The following TTN variants were observed in gnomAD, a reference collection of about 807,000 sequenced individuals.
The protein encoded by TTN is titin.
In TTN, 1,525 loss-of-function variants were observed where a neutral mutation model predicts 3,223.0. The observed-to-expected ratio is 0.47, with a 90% CI of 0.45 to 0.49. TTN has a LOEUF of 0.49. Among genes scored for constraint, TTN ranks in the 20% least tolerant of loss-of-function variants. The pLI is 0.00. For synonymous variants in TTN, 14,094 were observed against 15,161.0 expected (o/e 0.93, Z 5.17); for missense variants, 40,786 against 43,424.0 (o/e 0.94, Z 5.40).
chr2:178,651,192 T>A, intron 208 of TTN, 51 bp downstream of exon 208: 1 of 1,463,364 alleles, frequency 6.8e-7, no homozygotes, highest in Admixed American at 1.9e-5. Context: ...ATAGGTGACT[T>A]ATTAGACAAG....
At chr2:178,644,726 T>A (rs558518768) in intron 217 of TTN, 110 bp from the exon 218 acceptor site, 2 of 804,116 alleles carry the variant, frequency 2.5e-6, no homozygotes, top group South Asian at 4.0e-5. Context: ...CCAGAAAGCA[T>A]TAATAACAGC....
rs1391509686 is a variant in TTN, at chr2:178,732,343, AG to A, written c.16625del (p.Pro5542LeufsTer8). The A allele has an allele frequency of 6.3e-7, 1 of 1,598,134 alleles. No individual in the cohort carries two copies. The highest frequency in any genetic ancestry group is 8.5e-7 in the Non-Finnish European group (1 of 1,171,222). On this transcript the variant is annotated frameshift_variant, in exon 57 of 363. Transcript: ENST00000589042. LOFTEE classifies it high-confidence loss of function. ...ECSANLFVKEPATFVEKLEPS... is the reference protein window; with the variant it reads ...ECSANLFVKEXATFVEKLEPS... ...GCTCTAACTTTTCAACAAATGTGGC[AG>A]GTTCTGTGGAAGGAAGGAAGTTATT...
At position 178,580,566 on chromosome 2, in the gene TTN, G is replaced by A. The variant is rs759303222; in HGVS notation, c.66813C>T (p.Leu22271=). The A allele has an allele frequency of 3.7e-6, 6 of 1,612,352 alleles. No homozygotes were observed. The highest frequency in any genetic ancestry group is 5.1e-6 in the Non-Finnish European group (6 of 1,179,164). ...GELDADLRKT[L]ILRAGVTMRL... ...TCATAGTAACTCCAGCACGTAATAT[G>A]AGTGTCTTCCTTAAGTCCGCATCAA... The change falls in exon 317 of 363, where the codon CTC becomes CTT. Residue 22271 remains leucine (L), a synonymous_variant. Coordinates refer to ENST00000589042, the MANE Select transcript of TTN (RefSeq NM_001267550.2).
intron 345 of TTN, 38 bp from the exon 346 acceptor site, chr2:178,544,153 C>G (rs1217940376): frequency 6.2e-7 from 1 of 1,603,440 alleles, no homozygotes; most frequent in South Asian, 1.1e-5. Context: ...AATTCATGGA[C>G]AGGTGTGAGA....
At position 178,554,728 on chromosome 2, in the gene TTN, G is replaced by C. The variant is rs747863143; in HGVS notation, c.88619C>G (p.Pro29540Arg). 5 of 1,613,778 alleles carry C rather than the reference G, an allele frequency of 3.1e-6. No homozygotes were observed. The highest frequency in any genetic ancestry group is 1.1e-5 in the South Asian group (1 of 91,026). The change falls in exon 332 of 363, where the codon CCA (proline) becomes CGA (arginine). Residue 29540 changes from proline to arginine, a missense_variant. Physicochemically the swap from Pro to Arg is moderately radical, Grantham distance 103. Coordinates refer to ENST00000589042, the MANE Select transcript of TTN (RefSeq NM_001267550.2). The part of the protein sequence containing the change: ...ILDKPGPPGG[P>R]IEFKTVTAEK... ...AGCAGTTACAGTCTTAAATTCAATT[G>C]GTCCACCAGGTGGGCCTGGTTTGTC...
Position 178,747,709 on chromosome 2 carries a change from C to G in TTN, c.11311+5415G>C, listed in dbSNP as rs2084069317. On this transcript the variant is annotated intron_variant, in intron 47 of 362. Coordinates refer to ENST00000589042, the MANE Select transcript of TTN (RefSeq NM_001267550.2). ...TTAGGGAGGTCTCAGATTCTGCTGC[C>G]TCAGTGGTATGTGCCTCATCTAATT... The G allele has an allele frequency of 6.2e-7, 1 of 1,612,252 alleles. No individual in the cohort carries two copies. The highest frequency in any genetic ancestry group is 8.5e-7 in the Non-Finnish European group (1 of 1,179,552).
chr2:178,633,222 A>G lies in TTN; in HGVS notation c.43051T>C (p.Trp14351Arg), dbSNP rs794729430. The change falls in exon 233 of 363, where the codon TGG becomes CGG. Residue 14351 changes from tryptophan to arginine, a missense_variant. Trp to Arg is a moderately radical substitution (Grantham distance 101). Transcript: ENST00000589042. ...GTCAAAGGCTGTCCTTTCAGCTTCC[A>G]CTGGCCGTGAACATCAGGTTCAGAA... ...ELSEPDVHGQ[W>R]KLKGQPLTAS... 1 of 1,613,090 alleles carries G rather than the reference A, an allele frequency of 6.2e-7. No individual in the cohort carries two copies. Among genetic ancestry groups the G allele is most frequent in the Admixed American group, 1.7e-5 (1 of 59,966 alleles).
Position 178,566,784 on chromosome 2 carries a change from C to T in TTN, c.79348G>A (p.Gly26450Arg), listed in dbSNP as rs752326213. Reference protein sequence around the residue: ...RITDLRLRVTGLTEDHEYEFR... With the variant: ...RITDLRLRVTRLTEDHEYEFR... Reference sequence around the variant, plus strand: ...TCATACTCATGATCTTCTGTTAATCCTGTCACTCTTAGACGCAAATCTGTA... The same window carrying T: ...TCATACTCATGATCTTCTGTTAATCTTGTCACTCTTAGACGCAAATCTGTA... The change falls in exon 326 of 363, where the codon GGA becomes AGA. Residue 26450 changes from glycine to arginine, a missense_variant. Physicochemically the swap from Gly to Arg is moderately radical, Grantham distance 125 (BLOSUM62 -2). Transcript: ENST00000589042. 4 of 1,613,258 alleles carry T rather than the reference C, an allele frequency of 2.5e-6. No homozygotes were observed. The highest frequency in any genetic ancestry group is 1.3e-5 in the African/African-American group (1 of 74,900).
rs1553622176 is a variant in TTN, at chr2:178,579,581, A to G, written c.67616T>C (p.Val22539Ala). 6.2e-7 allele frequency: 1 copy of G among 1,613,260 alleles called. No homozygotes were observed. Among genetic ancestry groups the G allele is most frequent in the Non-Finnish European group, 8.5e-7 (1 of 1,179,480 alleles). The change falls in exon 319 of 363, where the codon GTT (valine) becomes GCT (alanine). Residue 22539 changes from valine to alanine, a missense_variant. Physicochemically the swap from Val to Ala is moderately conservative, Grantham distance 64. Transcript: ENST00000589042. ...CTTACCAACATCATCCCTTGCCACA[A>G]CAGTGATTTCGCTTGGGGTTCCTTC... ...NGEGTPSEIT[V>A]VARDDVVAPD...
In TTN at chr2:178,712,182, C is replaced by A; in HGVS notation, c.27648G>T (p.Val9216=). The A allele has an allele frequency of 6.2e-7, 1 of 1,613,724 alleles. No individual in the cohort carries two copies. Among genetic ancestry groups the A allele is most frequent in the South Asian group, 1.1e-5 (1 of 91,054 alleles). The part of the protein sequence containing the change: ...YFVKQLEPVK[V]SVGDSASLQC... ...GTAGAGAGGCAGAATCTCCAACAGA[C>A]ACCTTAACCGGCTCCAACTGCTTGA... The change falls in exon 96 of 363, where the codon GTG becomes GTT. Residue 9216 remains valine (V), a synonymous_variant. Coordinates refer to ENST00000589042, the MANE Select transcript of TTN (RefSeq NM_001267550.2).
At chr2:178,545,341 T>A (rs762158351) in intron 344 of TTN, 47 bp downstream of exon 344, 2 of 1,479,428 alleles carry the variant, frequency 1.4e-6, no homozygotes, top group South Asian at 2.9e-5. Context: ...TTATCTGTCA[T>A]ATAGTTTTGA....
rs59989386 is a variant in TTN at position 178,699,383 on chromosome 2, C to CTTTTTTTT, written c.30683-477_30683-470dup. Among the ~76,000 whole-genome samples, 30 of 44,912 alleles carry CTTTTTTTT rather than the reference C, an allele frequency of 6.7e-4. 6 individuals carry two copies. The highest frequency in any genetic ancestry group is 1.2e-3 in the Non-Finnish European group (28 of 22,892). 29.5% of individuals were successfully genotyped at this position (44,912 alleles called of 152,430 possible). A position where few individuals can be genotyped will look rare whatever the true frequency, so the allele number is the denominator to read the frequency against. On this transcript the variant is annotated intron_variant, in intron 111 of 362. Transcript: ENST00000589042. ...TTTGTATTCATGAATAAATAACACT[C>CTTTTTTTT]TTTTTTTTTTTTTTTTTTTTTTTTT...
Position 178,764,809 on chromosome 2 carries a change from G to T in TTN, c.9706C>A (p.Pro3236Thr). 1.2e-6 allele frequency: 2 copies of T among 1,612,906 alleles called. No individual in the cohort carries two copies. The highest frequency in any genetic ancestry group is 2.7e-5 in the African/African-American group (2 of 74,984). ...TCCTGCAGAACTTGGGGCGGTTCAG[G>T]AGCTAGGAGTAAATGTTGACAAATA... is the stretch of plus-strand genomic sequence containing the variant. ...RSSVTLYVNA[P>T]EPPQVLQELQ... The change falls in exon 42 of 363, where the codon CCT becomes ACT. Residue 3236 changes from proline to threonine, a missense_variant and splice_region_variant. Transcript: ENST00000589042.
rs1452090791 is a variant in TTN, at chr2:178,587,401, C to T, written c.63810G>A (p.Val21270=). 3 of 1,609,466 alleles carry T rather than the reference C, an allele frequency of 1.9e-6. No individual in the cohort carries two copies. The highest frequency in any genetic ancestry group is 2.5e-6 in the Non-Finnish European group (3 of 1,177,600). ...NVRVLDTPGP[V]SDLKVSDVTK... The stretch of plus-strand genomic sequence containing the variant: ...TGACATCTGAAACTTTTAAATCAGA[C>T]ACAGGCCCAGGAGTGTCTGTAAAGA... Residue 21270 remains valine (V), a synonymous_variant, in exon 307 of 363, where the codon GTG becomes GTA. Coordinates refer to ENST00000589042, the MANE Select transcript of TTN (RefSeq NM_001267550.2).
In TTN at chr2:178,618,474, G is replaced by T; in HGVS notation, c.46984C>A (p.Arg15662Ser). The T allele has an allele frequency of 6.2e-7, 1 of 1,612,288 alleles. No individual in the cohort carries two copies. The highest frequency in any genetic ancestry group is 8.5e-7 in the Non-Finnish European group (1 of 1,179,026). Residue 15662 changes from arginine (R) to serine (S), a missense_variant, in exon 252 of 363, where the codon CGT (arginine) becomes AGT (serine). Transcript: ENST00000589042. ...LKVIDVPGPVRNLEVTETFDG... is the reference protein window; with the variant it reads ...LKVIDVPGPVSNLEVTETFDG... Reference sequence around the variant, plus strand: ...AATGTTTCTGTCACTTCTAAGTTACGTACTGGCCCAGGAACATCTGAAATT... The same window carrying T: ...AATGTTTCTGTCACTTCTAAGTTACTTACTGGCCCAGGAACATCTGAAATT...
chr2:178,730,909 G>A lies in TTN; in HGVS notation c.17740+16C>T. On this transcript the variant is annotated intron_variant, in intron 60 of 362. Transcript: ENST00000589042. Reference sequence around the variant, plus strand: ...ATGGAAATGCCCAATCCTCTCTGTAGAAGAACAATACCAACCTAATACATT... The same window carrying A: ...ATGGAAATGCCCAATCCTCTCTGTAAAAGAACAATACCAACCTAATACATT... 1 of 1,572,802 alleles carries A rather than the reference G, an allele frequency of 6.4e-7. No individual in the cohort carries two copies. The highest frequency in any genetic ancestry group is 8.6e-7 in the Non-Finnish European group (1 of 1,159,344).
intron 1 of TTN, among the ~76,000 whole-genome samples, chr2:178,805,336 T>G (rs1243098630): frequency 7.9e-6 from 1 of 126,454 alleles, no homozygotes; most frequent in Non-Finnish European, 1.6e-5. Flanking sequence ...AGAATGAGAC[T>G]CTGTCTCAAA....
chr2:178,668,430 A>G (rs2066349900), intron 159 of TTN, among the ~76,000 whole-genome samples: 1 of 152,114 alleles, frequency 6.6e-6, no homozygotes, highest in Admixed American at 6.6e-5. Flanking sequence ...AATTTTTTAG[A>G]TTAAAAAAAA....
rs2154198745 is a variant in TTN, at chr2:178,609,922, T to C, written c.51501A>G (p.Thr17167=). The stretch of plus-strand genomic sequence containing the variant: ...CTCCATCATACAAAGGTGGCTTCCA[T>C]GTAATAGTCATTGCCTCCGCTGTAG... The part of the protein sequence containing the change: ...HNPTAEAMTI[T]WKPPLYDGGS... The change falls in exon 272 of 363, where the codon ACA becomes ACG. Residue 17167 remains threonine (T), a synonymous_variant. Transcript: ENST00000589042. 6.2e-7 allele frequency: 1 copy of C among 1,612,982 alleles called. No homozygotes were observed. The highest frequency in any genetic ancestry group is 1.3e-5 in the African/African-American group (1 of 74,954).
Sources: allele counts gnomAD v4.1 joint callset (sites outside exome capture counted in the v4.1 genomes callset), GRCh38; gene constraint gnomAD v4.1.1; transcripts MANE v1.5; gene names NCBI Gene and HGNC (gene_info 2026-07-23, HGNC 2026-07-21).